Variants in LAMA1 observed in about 807,000 individuals in gnomAD.
LAMA1 encodes laminin subunit alpha-1.
A neutral mutation model predicts 348.7 loss-of-function variants in LAMA1; 219 were observed. The ratio of observed to expected loss-of-function variants is 0.63; its 90% confidence interval spans 0.56 to 0.70. The LOEUF (loss-of-function observed/expected upper bound fraction) is 0.70, where lower values mean the gene tolerates loss of function less well. LAMA1 is among the 30% of genes least tolerant of loss of function. LAMA1 has a pLI of 0.00. For missense variants in LAMA1, 3,744 were observed against 3,888.0 expected (o/e 0.96, Z 0.99); for synonymous variants, 1,487 against 1,491.0 (o/e 1.00, Z 0.06).
chr18:6,965,690 T>A (rs2057630152), intron 49 of LAMA1: 1 of 505,866 alleles, frequency 2.0e-6, no homozygotes, highest in African/African-American at 1.9e-5. Context: ...CCTCGTATCT[T>A]TTTCATTGAG....
At chr18:7,076,458 A>G (rs968345107) in intron 3 of LAMA1, among the ~76,000 whole-genome samples, 11 of 152,190 alleles carry the variant, frequency 7.2e-5, no homozygotes, top group Non-Finnish European at 1.6e-4. Flanking sequence ...TGTATAGGAA[A>G]TAGAGAGCAC....
intron 44 of LAMA1, 92 bp downstream of exon 44, chr18:6,977,635 G>T (rs1600365601): frequency 2.1e-6 from 3 of 1,456,188 alleles, no homozygotes; most frequent in Non-Finnish European, 2.9e-6. Context: ...CCTAAGGGGC[G>T]CAGTGTGACT....
chr18:7,092,235 C>T (rs2058242167), intron 1 of LAMA1, among the ~76,000 whole-genome samples: 1 of 152,142 alleles, frequency 6.6e-6, no homozygotes, highest in South Asian at 2.1e-4. Context: ...AAAGGCTATT[C>T]CTAGATTAAG....
chr18:6,957,084 A>C (rs2057582688), intron 55 of LAMA1: 1 of 372,008 alleles, frequency 2.7e-6, no homozygotes, highest in South Asian at 2.2e-5. Flanking sequence ...TGCCTCAGGG[A>C]CACGTTTTTG....
At chr18:6,993,492 C>A (rs2057767285) in intron 35 of LAMA1, 149 bp downstream of exon 35, 7 of 702,968 alleles carry the variant, frequency 1.0e-5, no homozygotes, top group Non-Finnish European at 1.8e-5. Context: ...CTAAAGTTTG[C>A]ACATCTCAGG....
chr18:6,986,223 C>G lies in LAMA1; in HGVS notation c.5293G>C (p.Glu1765Gln). 2 of 1,614,214 alleles carry G rather than the reference C, an allele frequency of 1.2e-6. No individual in the cohort carries two copies. Among genetic ancestry groups the G allele is most frequent in the Admixed American group, 1.7e-5 (1 of 60,006 alleles). Residue 1765 changes from glutamate to glutamine, a missense_variant, in exon 37 of 63, where the codon GAG becomes CAG. Around this residue, in one of 3 missense-constraint regions of LAMA1, gnomAD observed 1,983 missense variants for 1,934.3 expected, o/e 1.03. Transcript: ENST00000389658. ...GCCTCAGCTTCCCTCACGAGCGCCT[C>G]AGCCGCCTTTAGTTCATTGTTGTGC... ...SKHNNELKAA[E>Q]ALVREAEAKM...
chr18:7,028,322 G>T (rs1359591842), intron 16 of LAMA1, among the ~76,000 whole-genome samples: 1 of 152,076 alleles, frequency 6.6e-6, no homozygotes, highest in African/African-American at 2.4e-5. Context: ...CCAGCATAAA[G>T]AAATACACAC....
At chr18:7,037,063 A>G (rs2057998506) in intron 12 of LAMA1, among the ~76,000 whole-genome samples, 1 of 152,246 alleles carries the variant, frequency 6.6e-6, no homozygotes, top group Non-Finnish European at 1.5e-5. Context: ...TTCTTGAAAT[A>G]TAACAAAAGC....
chr18:6,999,524 G>T lies in LAMA1; in HGVS notation c.4584C>A (p.Cys1528Ter). Reference sequence around the variant, plus strand: ...GCCCCGAGGCCCCCAGCCTGCAAACGCACTGCCCAGATGTGCGGTCACAGT... The same window carrying T: ...GCCCCGAGGCCCCCAGCCTGCAAACTCACTGCCCAGATGTGCGGTCACAGT... ...HGDCDRTSGQ[C>*]VCRLGASGLR... The change falls in exon 32 of 63, where the codon TGC becomes TGA. Residue 1528 changes from cysteine (C) to a stop codon, truncating the protein, a stop_gained. Coordinates refer to ENST00000389658, the MANE Select transcript of LAMA1 (RefSeq NM_005559.4). LOFTEE classifies it high-confidence loss of function. 6.2e-7 allele frequency: 1 copy of T among 1,614,100 alleles called. No homozygotes were observed. The highest frequency in any genetic ancestry group is 8.5e-7 in the Non-Finnish European group (1 of 1,180,030).
intron 3 of LAMA1, among the ~76,000 whole-genome samples, chr18:7,057,985 G>T (rs1448252709): frequency 6.7e-6 from 1 of 148,702 alleles, no homozygotes; most frequent in Non-Finnish European, 1.5e-5. Context: ...TTTTTTTTTA[G>T]TAGAGACAGG....
intron 57 of LAMA1, among the ~76,000 whole-genome samples, chr18:6,952,350 G>A (rs933638689): frequency 6.6e-6 from 1 of 152,214 alleles, no homozygotes; most frequent in Non-Finnish European, 1.5e-5. Context: ...GGGGGTGTGC[G>A]GGAGGCTGAC....
chr18:7,092,826 T>C lies in LAMA1; in HGVS notation c.62-12369A>G, dbSNP rs1253530693. ...TGCTACATACATACATCATACATCA[T>C]AATACAGACTCGTGGTTTCCCTCAA... On this transcript the variant is annotated intron_variant, in intron 1 of 62. Transcript: ENST00000389658. 3.9e-5 allele frequency among the ~76,000 whole-genome samples: 6 copies of C among 152,216 alleles called. No homozygotes were observed. The East Asian group carries it at 1.2e-3, about 29-fold the overall frequency.
intron 1 of LAMA1, among the ~76,000 whole-genome samples, chr18:7,110,062 T>G (rs1223890927): frequency 3.3e-5 from 5 of 151,964 alleles, no homozygotes; most frequent in Non-Finnish European, 5.9e-5. Context: ...GCACCTGTGA[T>G]CCCAGCTACT....
intron 33 of LAMA1, among the ~76,000 whole-genome samples, chr18:6,996,769 AC>A (rs2057783163): frequency 6.6e-6 from 1 of 152,148 alleles, no homozygotes; most frequent in East Asian, 1.9e-4. Context: ...ACTGAGGGAG[AC>A]CCTGTCTCAA....
chr18:7,040,351 T>C, intron 9 of LAMA1, 115 bp from the exon 10 acceptor site: 2 of 1,043,184 alleles, frequency 1.9e-6, no homozygotes, highest in South Asian at 2.6e-5. Flanking sequence ...CTTTTTGGCC[T>C]CAGAGTCTCA....
Position 7,011,417 on chromosome 18 carries a change from C to A in LAMA1, c.3570G>T (p.Thr1190=). The change falls in exon 25 of 63, where the codon ACG becomes ACT. Residue 1190 remains threonine, a synonymous_variant. Transcript: ENST00000389658. ...GGGCCTGGTAGTAAACCCCCTCGGT[C>A]GTGCCCCTCAAGTTACTCTGAGAAA... is the stretch of plus-strand genomic sequence containing the variant. ...RVVSQSNLRG[T]TEGVYYQAPD... 5 of 1,608,604 alleles carry A rather than the reference C, an allele frequency of 3.1e-6. No individual in the cohort carries two copies. Among genetic ancestry groups the A allele is most frequent in the Non-Finnish European group, 4.2e-6 (5 of 1,177,864 alleles).
intron 1 of LAMA1, among the ~76,000 whole-genome samples, chr18:7,093,765 G>T (rs940590009): frequency 1.4e-5 from 2 of 145,046 alleles, no homozygotes; most frequent in African/African-American, 5.2e-5. Flanking sequence ...TTACTGCAGG[G>T]TTTCTCAACT....
At chr18:6,986,407 A>G (rs947449634) in intron 36 of LAMA1, 60 bp from the exon 37 acceptor site, 8 of 1,531,784 alleles carry the variant, frequency 5.2e-6, no homozygotes, top group Non-Finnish European at 7.2e-6. Context: ...CTATCTCTGA[A>G]ATAATAGTGG....
intron 3 of LAMA1, among the ~76,000 whole-genome samples, chr18:7,067,377 C>A (rs1444390704): frequency 6.6e-6 from 1 of 151,916 alleles, no homozygotes; most frequent in African/African-American, 2.4e-5. Flanking sequence ...ATCTGACAAA[C>A]CTCATGCTCA....
Sources: allele counts gnomAD v4.1 joint callset (sites outside exome capture counted in the v4.1 genomes callset), GRCh38; gene constraint gnomAD v4.1.1; regional missense constraint gnomAD v4.1.1; transcripts MANE v1.5; gene names NCBI Gene and HGNC (gene_info 2026-07-23, HGNC 2026-07-21).